The following IMMP2L variants were observed in gnomAD, a reference collection of about 807,000 sequenced individuals.
IMMP2L encodes the protein mitochondrial inner membrane protease subunit 2.
Under a neutral mutation model 19.3 loss-of-function variants are expected in IMMP2L, and 18 were observed. The ratio of observed to expected loss-of-function variants is 0.93; its 90% CI spans 0.64 to 1.38. IMMP2L has a LOEUF of 1.38. Ranked by LOEUF, IMMP2L falls within the 40% of genes most tolerant of loss-of-function variation. The pLI is 0.00. For synonymous variants in IMMP2L, 76 were observed against 73.0 expected (o/e 1.04, Z -0.21); for missense variants, 233 against 218.2 (o/e 1.07, Z -0.43).
intron 5 of IMMP2L, among the ~76,000 whole-genome samples, chr7:110,814,913 T>C (rs1363988958): frequency 7.9e-5 from 12 of 151,768 alleles, no homozygotes; most frequent in Admixed American, 7.9e-4. Flanking sequence ...ACCATGTAGG[T>C]TTCAAAAATG....
At chr7:110,998,410 A>G (rs1240469763) in intron 3 of IMMP2L, among the ~76,000 whole-genome samples, 2 of 152,192 alleles carry the variant, frequency 1.3e-5, no homozygotes, top group Non-Finnish European at 1.5e-5. Flanking sequence ...ACTAGAATGA[A>G]GAGAAGATAG....
chr7:110,974,199 C>T (rs561302986), intron 3 of IMMP2L, among the ~76,000 whole-genome samples: 1 of 152,242 alleles, frequency 6.6e-6, no homozygotes, highest in South Asian at 2.1e-4. Context: ...GAAACATATG[C>T]TCACCACCCA....
In IMMP2L at chr7:111,521,537, T is replaced by G. The variant is rs1846331962; in HGVS notation, c.-2-88A>C. On this transcript the variant is annotated intron_variant, in intron 1 of 5. Coordinates refer to ENST00000405709, the MANE Select transcript of IMMP2L (RefSeq NM_032549.4). Reference sequence around the variant, plus strand: ...AAAACAGTACATGAAAAGTAAGAGTTACCGAAGGGCAATCTTGTCTCTTAA... The same window carrying G: ...AAAACAGTACATGAAAAGTAAGAGTGACCGAAGGGCAATCTTGTCTCTTAA... The G allele has an allele frequency of 4.3e-6, 5 of 1,150,380 alleles. No individual in the cohort carries two copies. In the African/African-American group the frequency reaches 7.7e-5, roughly 18 times the overall value. 71.3% of individuals were successfully genotyped at this position (1,150,380 alleles called of 1,614,324 possible).
intron 4 of IMMP2L, among the ~76,000 whole-genome samples, chr7:110,936,357 AAAAC>A (rs1472511672): frequency 2.0e-5 from 3 of 152,160 alleles, no homozygotes; most frequent in Admixed American, 1.3e-4. Flanking sequence ...TAACAAGAAA[AAAAC>A]AAACAACCCC....
intron 1 of IMMP2L, among the ~76,000 whole-genome samples, chr7:111,529,837 A>G (rs1293357976): frequency 6.6e-6 from 1 of 152,310 alleles, no homozygotes; most frequent in South Asian, 2.1e-4. Context: ...AGTCAGCAAT[A>G]TGTAAAAACA....
intron 3 of IMMP2L, among the ~76,000 whole-genome samples, chr7:111,077,132 T>C (rs1014147721): frequency 2.0e-5 from 3 of 152,178 alleles, no homozygotes; most frequent in African/African-American, 7.2e-5. Context: ...GGTTGCATAG[T>C]TATATTTTTG....
At chr7:110,725,417 A>C (rs1584622189) in intron 5 of IMMP2L, among the ~76,000 whole-genome samples, 1 of 152,290 alleles carries the variant, frequency 6.6e-6, no homozygotes, top group East Asian at 1.9e-4. Context: ...GAAATAGATG[A>C]AAGATTTTAT....
In IMMP2L at chr7:110,786,538, T is replaced by A. The variant is rs1314235492; in HGVS notation, c.408+100055A>T. Among the ~76,000 whole-genome samples, 3 of 152,116 alleles carry A rather than the reference T, an allele frequency of 2.0e-5. No homozygotes were observed. In the South Asian group the frequency reaches 6.2e-4, roughly 32 times the overall value. On this transcript the variant is annotated intron_variant, in intron 5 of 5. Coordinates refer to ENST00000405709, the MANE Select transcript of IMMP2L (RefSeq NM_032549.4). ...TGTAGGAGATGGACTGGCACTCACG[T>A]ACCAGCCCTTCAGAGCTGTTACACC...
chr7:111,040,120 G>C (rs558355571), intron 3 of IMMP2L, among the ~76,000 whole-genome samples: 1 of 152,290 alleles, frequency 6.6e-6, no homozygotes, highest in Non-Finnish European at 1.5e-5. Context: ...AGTGAGCGGA[G>C]ATTGCGCCAC....
intron 3 of IMMP2L, among the ~76,000 whole-genome samples, chr7:111,308,439 C>G (rs762671407): frequency 3.9e-5 from 6 of 151,956 alleles, no homozygotes; most frequent in Non-Finnish European, 8.8e-5. Flanking sequence ...AAAAAACAAG[C>G]AGTTACAAAA....
intron 3 of IMMP2L, among the ~76,000 whole-genome samples, chr7:111,279,834 T>C (rs1819505093): frequency 6.6e-6 from 1 of 152,230 alleles, no homozygotes; most frequent in Non-Finnish European, 1.5e-5. Flanking sequence ...ATGCAGCATA[T>C]AGAGAACAAA....
At position 111,541,300 on chromosome 7, in the gene IMMP2L, T is replaced by C. The variant is rs147428215; in HGVS notation, c.-2-19851A>G. ...ACATACTCATGAAATTATTTACACT[T>C]CTAAAGATAACACTGTTAAATTTCT... is the stretch of plus-strand genomic sequence containing the variant. On this transcript the variant is annotated intron_variant, in intron 1 of 5. Coordinates refer to ENST00000405709, the MANE Select transcript of IMMP2L (RefSeq NM_032549.4). 3.7e-4 allele frequency among the ~76,000 whole-genome samples: 56 copies of C among 152,282 alleles called. 1 individual carries two copies. The highest frequency in any genetic ancestry group is 1.2e-3 in the African/African-American group (51 of 41,566).
intron 5 of IMMP2L, among the ~76,000 whole-genome samples, chr7:110,829,192 T>A (rs769494534): frequency 1.3e-5 from 2 of 152,066 alleles, no homozygotes; most frequent in African/African-American, 4.8e-5. Context: ...ATAAACAACA[T>A]AAAATGGGGA....
chr7:111,203,426 C>T (rs1810362053), intron 3 of IMMP2L, among the ~76,000 whole-genome samples: 1 of 151,616 alleles, frequency 6.6e-6, no homozygotes, highest in Non-Finnish European at 1.5e-5. Context: ...AAAATGAAGG[C>T]AAGATAGATA....
intron 5 of IMMP2L, among the ~76,000 whole-genome samples, chr7:110,850,725 GA>G (rs754369570): frequency 1.5e-4 from 22 of 150,870 alleles, no homozygotes; most frequent in Non-Finnish European, 2.5e-4. Context: ...AAAAGAAAAA[GA>G]TACTCAAAAG....
chr7:111,157,874 AAAAAT>A (rs1181373715), intron 3 of IMMP2L, among the ~76,000 whole-genome samples: 4 of 152,000 alleles, frequency 2.6e-5, no homozygotes, highest in African/African-American at 9.7e-5. Flanking sequence ...GCACAATTTA[AAAAAT>A]AAAATAAAAT....
At chr7:110,938,104 G>T (rs933449473) in intron 4 of IMMP2L, among the ~76,000 whole-genome samples, 7 of 151,988 alleles carry the variant, frequency 4.6e-5, no homozygotes, top group Non-Finnish European at 7.4e-5. Flanking sequence ...GCTCTTCCTG[G>T]CTTCCAAACT....
chr7:110,873,778 GAA>G (rs572557458), intron 5 of IMMP2L, among the ~76,000 whole-genome samples: 94 of 118,706 alleles, frequency 7.9e-4, no homozygotes, highest in African/African-American at 2.6e-3. Context: ...TCTGTCTCAG[GAA>G]AAAAAAAAAA....
chr7:110,735,199 G>A (rs1427142477), intron 5 of IMMP2L, among the ~76,000 whole-genome samples: 2 of 152,184 alleles, frequency 1.3e-5, no homozygotes, highest in African/African-American at 4.8e-5. Flanking sequence ...GAGCCTGCAT[G>A]TGCACTAGGA....
Sources: gnomAD v4.1 joint callset for allele counts (sites outside exome capture counted in the v4.1 genomes callset) on GRCh38, gnomAD v4.1.1 for gene constraint, MANE v1.5 for transcripts, NCBI Gene and HGNC (gene_info 2026-07-23, HGNC 2026-07-21) for gene names.